TTC39B: variants seen among roughly 807,000 people sequenced by gnomAD.
The protein encoded by TTC39B is tetratricopeptide repeat domain 39B, also known as tetratricopeptide repeat protein 39B.
A neutral mutation model predicts 96.6 loss-of-function variants in TTC39B; 92 were observed. The ratio of observed to expected loss-of-function variants is 0.95; its 90% confidence interval spans 0.80 to 1.13. The LOEUF is 1.13. TTC39B is among the 50% of genes most tolerant of loss of function. The pLI is 0.00. For missense variants in TTC39B, 955 were observed against 809.3 expected (o/e 1.18, Z -2.18); for synonymous variants, 367 against 299.4 (o/e 1.23, Z -2.33).
intron 5 of TTC39B, 136 bp downstream of exon 5, chr9:15,211,130 T>G: frequency 9.9e-7 from 1 of 1,015,098 alleles, no homozygotes; most frequent in Non-Finnish European, 1.3e-6. Flanking sequence ...ATCCTTCAGC[T>G]TCGAGGCTGA....
chr9:15,226,042 T>C, intron 2 of TTC39B, 30 bp from the exon 3 acceptor site: 1 of 1,604,790 alleles, frequency 6.2e-7, no homozygotes, highest in Non-Finnish European at 8.5e-7. Context: ...AGCAAGGTTT[T>C]TTATTTCTTT....
intron 1 of TTC39B, among the ~76,000 whole-genome samples, chr9:15,282,240 T>C (rs1823794828): frequency 6.6e-6 from 1 of 152,152 alleles, no homozygotes; most frequent in African/African-American, 2.4e-5. Flanking sequence ...AACTAGTATC[T>C]CAAATTTCAT....
chr9:15,174,380 T>G (rs941135512), intron 19 of TTC39B, among the ~76,000 whole-genome samples: 5 of 152,214 alleles, frequency 3.3e-5, no homozygotes, highest in African/African-American at 1.2e-4. Flanking sequence ...CAGAAAGTGT[T>G]CAAGGCAAAC....
chr9:15,250,147 G>A, intron 2 of TTC39B: 1 of 1,215,578 alleles, frequency 8.2e-7, no homozygotes, highest in Non-Finnish European at 1.0e-6. Flanking sequence ...GCATCCCAGG[G>A]CTTTCCAGGG....
intron 1 of TTC39B, among the ~76,000 whole-genome samples, chr9:15,303,847 C>G (rs1311223279): frequency 6.6e-6 from 1 of 152,024 alleles, no homozygotes; most frequent in African/African-American, 2.4e-5. Flanking sequence ...GTTGGTCAGG[C>G]TGGTCTCGAA....
At chr9:15,183,273 T>C in intron 16 of TTC39B, 1 of 390,866 alleles carries the variant, frequency 2.6e-6, no homozygotes, top group Non-Finnish European at 4.9e-6. Flanking sequence ...CATGACACTC[T>C]ACCTTCAATT....
intron 2 of TTC39B, among the ~76,000 whole-genome samples, chr9:15,241,742 CTTTT>C (rs5896669): frequency 3.1e-5 from 4 of 129,152 alleles, no homozygotes; most frequent in Admixed American, 7.9e-5. Context: ...TTAATTAACT[CTTTT>C]TTTTTTTTTT....
intron 1 of TTC39B, among the ~76,000 whole-genome samples, chr9:15,284,164 T>A (rs1054655781): frequency 2.0e-5 from 3 of 152,128 alleles, no homozygotes; most frequent in African/African-American, 7.2e-5. Context: ...GAAGAAGAAA[T>A]CCACTAGCCA....
intron 1 of TTC39B, among the ~76,000 whole-genome samples, chr9:15,299,095 T>C (rs1030131540): frequency 6.6e-6 from 1 of 152,134 alleles, no homozygotes; most frequent in African/African-American, 2.4e-5. Context: ...AGAACACACA[T>C]GTCCCCACTC....
intron 1 of TTC39B, among the ~76,000 whole-genome samples, chr9:15,272,209 C>A (rs1823381625): frequency 6.6e-6 from 1 of 152,176 alleles, no homozygotes; most frequent in African/African-American, 2.4e-5. Flanking sequence ...GACAGCTATT[C>A]CACAGTCTCC....
chr9:15,180,306 T>C (rs529307664), intron 17 of TTC39B, among the ~76,000 whole-genome samples: 1 of 152,246 alleles, frequency 6.6e-6, no homozygotes, highest in Non-Finnish European at 1.5e-5. Flanking sequence ...ATAACTCTCA[T>C]AATGTTTGCT....
Position 15,186,776 on chromosome 9 carries a change from A to AC in TTC39B, c.1487+167dup, listed in dbSNP as rs1342314307. 7.6e-5 allele frequency: 46 copies of AC among 607,906 alleles called. No homozygotes were observed. In the Admixed American group the frequency reaches 1.0e-3, roughly 13 times the overall value. The allele number at this position is 607,906 out of a possible 1,614,324, so 37.7% of individuals were successfully genotyped here. ...ATGGCATTATTTCAGCTCACTTGCA[A>AC]CCTCCACCTCCCAGGCTTAAGCAAT... is the stretch of plus-strand genomic sequence containing the variant. On this transcript the variant is annotated intron_variant, in intron 15 of 19. Coordinates refer to ENST00000512701, the Ensembl canonical transcript of TTC39B.
chr9:15,203,791 C>A, intron 7 of TTC39B, 32 bp downstream of exon 7: 1 of 1,589,566 alleles, frequency 6.3e-7, no homozygotes. Flanking sequence ...GTCTTCCCAG[C>A]CAATACGAAT....
At chr9:15,272,925 C>T (rs1400995410) in intron 1 of TTC39B, among the ~76,000 whole-genome samples, 1 of 152,208 alleles carries the variant, frequency 6.6e-6, no homozygotes, top group African/African-American at 2.4e-5. Context: ...GGGCCTGCTG[C>T]CTCCTGGGAG....
At chr9:15,243,201 C>A (rs893163750) in intron 2 of TTC39B, among the ~76,000 whole-genome samples, 1 of 152,206 alleles carries the variant, frequency 6.6e-6, no homozygotes, top group Non-Finnish European at 1.5e-5. Flanking sequence ...AGATATAAGC[C>A]TGATACAGAG....
intron 19 of TTC39B, 124 bp from the exon 20 acceptor site, chr9:15,172,233 T>C (rs1274933432): frequency 5.4e-6 from 3 of 551,044 alleles, no homozygotes; most frequent in South Asian, 3.5e-5. Flanking sequence ...TAACCGTAGA[T>C]CTTAGTAAAA....
chr9:15,188,533 AT>A (rs1212887931), intron 13 of TTC39B, among the ~76,000 whole-genome samples: 1 of 152,216 alleles, frequency 6.6e-6, no homozygotes, highest in African/African-American at 2.4e-5. Context: ...TCATTCATCA[AT>A]TTAATAAAAT....
At chr9:15,187,508 G>A (rs1261409902) in intron 14 of TTC39B, among the ~76,000 whole-genome samples, 1 of 152,212 alleles carries the variant, frequency 6.6e-6, no homozygotes, top group African/African-American at 2.4e-5. Flanking sequence ...TCACCAGGCT[G>A]GAGTGCAGTG....
intron 1 of TTC39B, among the ~76,000 whole-genome samples, chr9:15,287,801 C>A (rs925814441): frequency 6.6e-6 from 1 of 151,976 alleles, no homozygotes; most frequent in African/African-American, 2.4e-5. Context: ...CAAAAATTAG[C>A]CGGGCATGGT....
Sources: gnomAD v4.1 joint callset for allele counts (sites outside exome capture counted in the v4.1 genomes callset) on GRCh38, gnomAD v4.1.1 for gene constraint, MANE v1.5 for transcripts, NCBI Gene and HGNC (gene_info 2026-07-23, HGNC 2026-07-21) for gene names.